Variants in UBE2E1 observed in about 807,000 individuals in gnomAD.
The protein encoded by UBE2E1 is ubiquitin conjugating enzyme E2 E1.
A neutral mutation model predicts 21.4 loss-of-function variants in UBE2E1; 6 were observed. The ratio of observed to expected loss-of-function variants is 0.28; its 90% CI spans 0.15 to 0.55. The LOEUF is 0.55. Among genes scored for constraint, UBE2E1 ranks in the 20% least tolerant of loss-of-function variants. The pLI is 0.93. For synonymous variants in UBE2E1, 87 were observed against 82.7 expected, an observed-to-expected ratio of 1.05 and a Z score of -0.28; for missense variants, 142 against 236.5, an observed-to-expected ratio of 0.60 and a Z score of 2.62.
At chr3:23,835,748 G>A (rs1699963303) in intron 3 of UBE2E1, among the ~76,000 whole-genome samples, 2 of 151,980 alleles carry the variant, frequency 1.3e-5, no homozygotes, top group Admixed American at 1.3e-4. Flanking sequence ...TTAGACATTA[G>A]AAGTTAAATC....
chr3:23,829,235 A>G (rs1699817016), intron 3 of UBE2E1, among the ~76,000 whole-genome samples: 1 of 149,140 alleles, frequency 6.7e-6, no homozygotes, highest in African/African-American at 2.5e-5. Flanking sequence ...ATCATAGCTC[A>G]CTGCAGCCTT....
chr3:23,866,182 T>TC (rs1439320686), intron 3 of UBE2E1: 2 of 152,642 alleles, frequency 1.3e-5, no homozygotes, highest in African/African-American at 4.8e-5. Flanking sequence ...AGCCAGTGAT[T>TC]CCCCCAAGTG....
chr3:23,826,098 A>G (rs1699753153), intron 3 of UBE2E1, among the ~76,000 whole-genome samples: 1 of 152,186 alleles, frequency 6.6e-6, no homozygotes, highest in Non-Finnish European at 1.5e-5. Context: ...TGTATTAAAA[A>G]ATAGAGGTTA....
chr3:23,835,402 A>G (rs111513592), intron 3 of UBE2E1, among the ~76,000 whole-genome samples: 1 of 152,172 alleles, frequency 6.6e-6, no homozygotes, highest in Non-Finnish European at 1.5e-5. Context: ...CAGGAGGTCG[A>G]GGCTAAGTGA....
In UBE2E1 at chr3:23,845,589, C is replaced by CTCTCTCTCTCTCTCTCTCTATG. The variant is rs1553637998; in HGVS notation, c.203+34080_203+34081insCTCTCTCTCTCTCTCTCTATGT. 5.8e-5 allele frequency among the ~76,000 whole-genome samples: 7 copies of CTCTCTCTCTCTCTCTCTCTATG among 121,358 alleles called. No individual in the cohort carries two copies. In the South Asian group the frequency reaches 2.3e-3, roughly 39 times the overall value. The allele number at this position is 121,358 out of a possible 152,430, so 79.6% of individuals were successfully genotyped here. On this transcript the variant is annotated intron_variant, in intron 3 of 5. Coordinates refer to ENST00000306627, the MANE Select transcript of UBE2E1 (RefSeq NM_003341.5). ...TCTCTCTCTCTCTCTCTCTCTCTCT[C>CTCTCTCTCTCTCTCTCTCTATG]TGTGTGTGTGTGTGTGTGTGTGTGT...
intron 4 of UBE2E1, chr3:23,888,194 G>A (rs1462133433): frequency 4.4e-6 from 2 of 456,838 alleles, no homozygotes; most frequent in Non-Finnish European, 8.8e-6. Context: ...TTTGGATTCT[G>A]TTGTGCTCCC....
Position 23,887,740 on chromosome 3 carries a change from C to A in UBE2E1, c.336+41C>A. 6.3e-7 allele frequency: 1 copy of A among 1,575,440 alleles called. No individual in the cohort carries two copies. The highest frequency in any genetic ancestry group is 8.6e-7 in the Non-Finnish European group (1 of 1,166,940). ...GTATGCTCAAATTTACTAATTCCCACAAGAGAGCAACTGTTGAGGTTTTTC... is the reference window on the plus strand; with the variant it reads ...GTATGCTCAAATTTACTAATTCCCAAAAGAGAGCAACTGTTGAGGTTTTTC... On this transcript the variant is annotated intron_variant, in intron 4 of 5. Coordinates refer to ENST00000306627, the MANE Select transcript of UBE2E1 (RefSeq NM_003341.5). The surrounding 1 kb of genome is among the most constrained non-coding windows in gnomAD (Gnocchi z 4.4).
chr3:23,821,374 C>T (rs1441893688), intron 3 of UBE2E1, among the ~76,000 whole-genome samples: 1 of 152,228 alleles, frequency 6.6e-6, no homozygotes, highest in Non-Finnish European at 1.5e-5. Flanking sequence ...AAGGTAAAAA[C>T]AGGCCCTGAG....
chr3:23,812,192 AGACTTGAT>A (rs1168193978), intron 3 of UBE2E1, among the ~76,000 whole-genome samples: 1 of 151,662 alleles, frequency 6.6e-6, no homozygotes, highest in African/African-American at 2.4e-5. Flanking sequence ...TCAAGGTGGA[AGACTTGAT>A]GACTTTACTA....
chr3:23,889,476 T>G (rs1178872813), intron 5 of UBE2E1: 2 of 1,388,378 alleles, frequency 1.4e-6, no homozygotes, highest in Non-Finnish European at 1.9e-6. Context: ...TATTTTAAAC[T>G]GAAGACTGAC....
intron 3 of UBE2E1, among the ~76,000 whole-genome samples, chr3:23,864,195 A>C (rs1700608440): frequency 6.6e-6 from 1 of 151,508 alleles, no homozygotes; most frequent in Non-Finnish European, 1.5e-5. Flanking sequence ...GTGCCAGCTT[A>C]CTCCCACTAT....
chr3:23,860,188 C>T (rs1700523172), intron 3 of UBE2E1, among the ~76,000 whole-genome samples: 1 of 152,210 alleles, frequency 6.6e-6, no homozygotes, highest in South Asian at 2.1e-4. Flanking sequence ...TTTCTGGGTG[C>T]TTTCACCTTG....
chr3:23,853,158 G>T lies in UBE2E1; in HGVS notation c.204-34409G>T, dbSNP rs1257326387. Among the ~76,000 whole-genome samples the T allele has an allele frequency of 1.3e-5, 2 of 152,184 alleles. No homozygotes were observed. Among genetic ancestry groups the T allele is most frequent in the African/African-American group, 4.8e-5 (2 of 41,456 alleles). On this transcript the variant is annotated intron_variant, in intron 3 of 5. Coordinates refer to ENST00000306627, the MANE Select transcript of UBE2E1 (RefSeq NM_003341.5). This position sits in a 1 kb window ranked among gnomAD's most constrained non-coding sequence, Gnocchi z 4.1. ...TCTGCCCACCTTGGCCTCCCAGAGTGCTGGGATTACAGGCGTGAGCCACCG... is the reference window on the plus strand; with the variant it reads ...TCTGCCCACCTTGGCCTCCCAGAGTTCTGGGATTACAGGCGTGAGCCACCG...
At chr3:23,839,445 CAG>C (rs1029082378) in intron 3 of UBE2E1, among the ~76,000 whole-genome samples, 1 of 151,706 alleles carries the variant, frequency 6.6e-6, no homozygotes, top group Non-Finnish European at 1.5e-5. Flanking sequence ...GCCTTGGCAA[CAG>C]AGAGAGAGTC....
chr3:23,811,284 C>CGTGAAAA (rs1403771392), intron 2 of UBE2E1, among the ~76,000 whole-genome samples, 176 bp from the exon 3 acceptor site: 1 of 152,148 alleles, frequency 6.6e-6, no homozygotes, highest in African/African-American at 2.4e-5. Flanking sequence ...TCACTTCCTC[C>CGTGAAAA]GTGAAAAGTT....
chr3:23,837,808 G>C (rs575552732), intron 3 of UBE2E1, among the ~76,000 whole-genome samples: 97 of 152,286 alleles, frequency 6.4e-4, no homozygotes, highest in African/African-American at 2.2e-3. Context: ...CTTTTGGCAT[G>C]TGGAAAATTA....
At chr3:23,856,554 C>A (rs1005041065) in intron 3 of UBE2E1, among the ~76,000 whole-genome samples, 15 of 152,166 alleles carry the variant, frequency 9.9e-5, no homozygotes, top group African/African-American at 3.6e-4. Flanking sequence ...AGATTTGTAT[C>A]GGATTGTGAC....
rs1360651075 is a variant in UBE2E1, at chr3:23,863,071, A to C, written c.204-24496A>C. On this transcript the variant is annotated intron_variant, in intron 3 of 5. Coordinates refer to ENST00000306627, the MANE Select transcript of UBE2E1 (RefSeq NM_003341.5). The surrounding 1 kb of genome is among the most constrained non-coding windows in gnomAD (Gnocchi z 4.3). Reference sequence around the variant, plus strand: ...TTGTTTGTTAAAAAAAAAAAAAAAAACTATTCCCAGCATTTTGCTCTCTAG... The same window carrying C: ...TTGTTTGTTAAAAAAAAAAAAAAAACCTATTCCCAGCATTTTGCTCTCTAG... Among the ~76,000 whole-genome samples the C allele has an allele frequency of 6.9e-6, 1 of 145,518 alleles. No homozygotes were observed. Among genetic ancestry groups the C allele is most frequent in the African/African-American group, 2.5e-5 (1 of 39,888 alleles).
Position 23,876,594 on chromosome 3 carries a change from T to C in UBE2E1, c.204-10973T>C, listed in dbSNP as rs1377041404. On this transcript the variant is annotated intron_variant, in intron 3 of 5. Transcript: ENST00000306627. The surrounding 1 kb of genome is among the most constrained non-coding windows in gnomAD (Gnocchi z 4.3). ...GATGTAATTGGATTTTTTTTTCATA[T>C]AAGCATTTTGTAAATTCAGTTTTGG... 6.6e-6 allele frequency among the ~76,000 whole-genome samples: 1 copy of C among 152,212 alleles called. No homozygotes were observed. Among genetic ancestry groups the C allele is most frequent in the African/African-American group, 2.4e-5 (1 of 41,456 alleles).
Sources: gnomAD v4.1 joint callset for allele counts (sites outside exome capture counted in the v4.1 genomes callset) on GRCh38, gnomAD v4.1.1 for gene constraint, Gnocchi (gnomAD v3.1) non-coding constraint, MANE v1.5 for transcripts, NCBI Gene and HGNC (gene_info 2026-07-23, HGNC 2026-07-21) for gene names.